SMARCAD1: variants seen among roughly 807,000 people sequenced by gnomAD.
The protein encoded by SMARCAD1 is SWI/SNF-related matrix-associated actin-dependent regulator of chromatin subfamily A containing DEAD/H box 1.
A neutral mutation model predicts 127.1 loss-of-function variants in SMARCAD1; 25 were observed. The observed-to-expected ratio is 0.20, with a 90% confidence interval of 0.14 to 0.27. SMARCAD1 has a LOEUF of 0.27. SMARCAD1 is among the 10% of genes least tolerant of loss of function. The pLI, the probability that SMARCAD1 is intolerant of heterozygous loss-of-function variation, is 1.00. For synonymous variants in SMARCAD1, 400 were observed against 396.9 expected (o/e 1.01, Z -0.09); for missense variants, 807 against 1,206.0 (o/e 0.67, Z 4.90).
intron 9 of SMARCAD1, among the ~76,000 whole-genome samples, chr4:94,264,210 T>TCA (rs2125952652): frequency 6.6e-6 from 1 of 152,080 alleles, no homozygotes; most frequent in Non-Finnish European, 1.5e-5. Context: ...TATACTTTGA[T>TCA]GATAGATGTG....
intron 3 of SMARCAD1, among the ~76,000 whole-genome samples, chr4:94,227,843 A>G (rs1481222671): frequency 6.6e-6 from 1 of 152,216 alleles, no homozygotes; most frequent in African/African-American, 2.4e-5. Flanking sequence ...TTGGTTTGCT[A>G]TTTAAAGCCA....
At chr4:94,232,663 C>T (rs552682237) in intron 3 of SMARCAD1, among the ~76,000 whole-genome samples, 4 of 152,238 alleles carry the variant, frequency 2.6e-5, no homozygotes, top group Non-Finnish European at 5.9e-5. Context: ...TTTTGAAATA[C>T]GTACACTGGC....
intron 23 of SMARCAD1, among the ~76,000 whole-genome samples, chr4:94,287,930 C>T (rs1472172142): frequency 2.6e-5 from 4 of 151,820 alleles, no homozygotes; most frequent in African/African-American, 9.7e-5. Context: ...GCGGGAGGAT[C>T]GTTTGAGCCC....
intron 2 of SMARCAD1, among the ~76,000 whole-genome samples, chr4:94,211,431 G>A (rs562603082): frequency 8.5e-5 from 13 of 152,310 alleles, no homozygotes; most frequent in African/African-American, 3.1e-4. Context: ...GGTCAGGACT[G>A]GAGATGAAAA....
chr4:94,289,200 G>A (rs1345329888), intron 23 of SMARCAD1, among the ~76,000 whole-genome samples: 2 of 151,952 alleles, frequency 1.3e-5, no homozygotes, highest in African/African-American at 2.4e-5. Flanking sequence ...AATTAGATAC[G>A]ATCCAGTGTA....
intron 2 of SMARCAD1, among the ~76,000 whole-genome samples, chr4:94,209,214 A>C (rs755012136): frequency 6.6e-6 from 1 of 152,368 alleles, no homozygotes; most frequent in South Asian, 2.1e-4. Flanking sequence ...ACAGTTAACT[A>C]TTAGAGGAAT....
chr4:94,216,413 CTCA>C (rs1560511222), intron 2 of SMARCAD1, among the ~76,000 whole-genome samples: 1 of 152,136 alleles, frequency 6.6e-6, no homozygotes, highest in Non-Finnish European at 1.5e-5. Context: ...TATAAATATA[CTCA>C]TTCATATTTT....
Position 94,279,002 on chromosome 4 carries a change from A to T in SMARCAD1, c.2370A>T (p.Gln790His). Reference sequence around the variant, plus strand: ...CCAATCATCCTTTATTACATCGCCAATATTACACAGCTGAAAAACTCAAGG... The same window carrying T: ...CCAATCATCCTTTATTACATCGCCATTATTACACAGCTGAAAAACTCAAGG... Reference protein sequence around the residue: ...KMANHPLLHRQYYTAEKLKEM... With the variant: ...KMANHPLLHRHYYTAEKLKEM... The change falls in exon 19 of 24, where the codon CAA becomes CAT. Residue 790 changes from glutamine (Q) to histidine (H), a missense_variant. Physicochemically the swap from Gln to His is conservative, Grantham distance 24. Coordinates refer to ENST00000354268, the MANE Select transcript of SMARCAD1 (RefSeq NM_020159.5). The T allele has an allele frequency of 6.2e-7, 1 of 1,614,148 alleles. No homozygotes were observed. The highest frequency in any genetic ancestry group is 8.5e-7 in the Non-Finnish European group (1 of 1,180,010).
chr4:94,232,813 T>C (rs1177007603), intron 3 of SMARCAD1, among the ~76,000 whole-genome samples: 4 of 136,830 alleles, frequency 2.9e-5, no homozygotes, highest in East Asian at 2.4e-4. Flanking sequence ...GGCAAAACCC[T>C]GTCTGTACAA....
At chr4:94,236,805 T>C (rs925123912) in intron 4 of SMARCAD1, 147 bp from the exon 5 acceptor site, 33 of 677,332 alleles carry the variant, frequency 4.9e-5, no homozygotes, top group Non-Finnish European at 7.4e-5. Context: ...TTCTGAAAAT[T>C]TATCATAGGA....
intron 2 of SMARCAD1, among the ~76,000 whole-genome samples, chr4:94,212,872 TC>T: frequency 6.6e-6 from 1 of 152,200 alleles, no homozygotes; most frequent in East Asian, 1.9e-4. Flanking sequence ...GTACAGGACA[TC>T]CTCCCTAATG....
chr4:94,271,189 A>G (rs901364004), intron 11 of SMARCAD1, among the ~76,000 whole-genome samples: 1 of 152,264 alleles, frequency 6.6e-6, no homozygotes, highest in Admixed American at 6.5e-5. Context: ...GTGTACGTAC[A>G]TACATATATG....
chr4:94,208,539 G>T lies in SMARCAD1; in HGVS notation c.145G>T (p.Val49Phe). ...SAEEENAEGE[V>F]SRANTPDSDI... Reference sequence around the variant, plus strand: ...TGAAGAGGAGAATGCTGAAGGGGAAGTTAGCAGGGCAAACACTCCTGATTC... The same window carrying T: ...TGAAGAGGAGAATGCTGAAGGGGAATTTAGCAGGGCAAACACTCCTGATTC... The change falls in exon 2 of 24, where the codon GTT (valine) becomes TTT (phenylalanine). Residue 49 changes from valine (V) to phenylalanine (F), a missense_variant. Transcript: ENST00000354268. 3 of 1,614,180 alleles carry T rather than the reference G, an allele frequency of 1.9e-6. No homozygotes were observed. Among genetic ancestry groups the T allele is most frequent in the South Asian group, 1.1e-5 (1 of 91,086 alleles).
At chr4:94,262,914 A>AAGG (rs1751227548) in intron 9 of SMARCAD1, among the ~76,000 whole-genome samples, 1 of 22,794 alleles carries the variant, frequency 4.4e-5, no homozygotes, top group Non-Finnish European at 8.7e-5. Context: ...AAAAGAAAGA[A>AAGG]AAGAAATGGT....
intron 2 of SMARCAD1, among the ~76,000 whole-genome samples, chr4:94,210,414 T>A (rs1456834893): frequency 6.6e-6 from 1 of 152,220 alleles, no homozygotes; most frequent in African/African-American, 2.4e-5. Flanking sequence ...AGATATCCAT[T>A]GAAGAACTTA....
intron 21 of SMARCAD1, among the ~76,000 whole-genome samples, chr4:94,282,208 T>TCCA (rs1754189042): frequency 1.2e-5 from 1 of 84,980 alleles, no homozygotes; most frequent in African/African-American, 3.6e-5. Flanking sequence ...CACGCCATTC[T>TCCA]GCCTCAGCCT....
chr4:94,222,108 C>T (rs1432954930), intron 2 of SMARCAD1, among the ~76,000 whole-genome samples: 1 of 152,096 alleles, frequency 6.6e-6, no homozygotes, highest in African/African-American at 2.4e-5. Flanking sequence ...GGAGAGGGTA[C>T]CCCTCCCAGA....
At chr4:94,274,219 G>A (rs1051457726) in intron 12 of SMARCAD1, among the ~76,000 whole-genome samples, 1 of 152,106 alleles carries the variant, frequency 6.6e-6, no homozygotes, top group African/African-American at 2.4e-5. Context: ...CCTTCATTTT[G>A]ATGCCTCACA....
At position 94,274,872 on chromosome 4, in the gene SMARCAD1, A is replaced by T. The variant is rs755567109; in HGVS notation, c.1733-18A>T. On this transcript the variant is annotated intron_variant, in intron 13 of 23. Coordinates refer to ENST00000354268, the MANE Select transcript of SMARCAD1 (RefSeq NM_020159.5). The stretch of plus-strand genomic sequence containing the variant: ...CAGCACAATAAATAGTCATGTGTTT[A>T]TTGTTTTTAAATTCTAGGTTCTCAA... 1 of 1,603,696 alleles carries T rather than the reference A, an allele frequency of 6.2e-7. No homozygotes were observed. Among genetic ancestry groups the T allele is most frequent in the Non-Finnish European group, 8.5e-7 (1 of 1,170,704 alleles).
Sources: gnomAD v4.1 joint callset for allele counts (sites outside exome capture counted in the v4.1 genomes callset) on GRCh38, gnomAD v4.1.1 for gene constraint, MANE v1.5 for transcripts, NCBI Gene and HGNC (gene_info 2026-07-23, HGNC 2026-07-21) for gene names.